Variants in NUFIP1 observed in about 807,000 individuals in gnomAD.
The protein encoded by NUFIP1 is FMR1-interacting protein NUFIP1.
Under a neutral mutation model 56.2 loss-of-function variants are expected in NUFIP1, and 38 were observed. That is an observed-to-expected ratio of 0.68 (90% CI 0.52 to 0.89). The LOEUF (loss-of-function observed/expected upper bound fraction) is 0.89, where lower values mean the gene tolerates loss of function less well. Among genes scored for constraint, NUFIP1 ranks in the 40% least tolerant of loss-of-function variants. The pLI is 0.00. For missense variants in NUFIP1, 567 were observed against 605.8 expected, an observed-to-expected ratio of 0.94 and a Z score of 0.67; for synonymous variants, 215 against 212.4, an observed-to-expected ratio of 1.01 and a Z score of -0.10.
At chr13:44,962,355 A>C (rs1027537103) in intron 6 of NUFIP1, among the ~76,000 whole-genome samples, 1 of 152,196 alleles carries the variant, frequency 6.6e-6, no homozygotes, top group African/African-American at 2.4e-5. Flanking sequence ...AAGTTAGGTG[A>C]TTGTTTCTCA....
At chr13:44,951,582 A>G (rs1871084955) in intron 7 of NUFIP1, among the ~76,000 whole-genome samples, 1 of 152,218 alleles carries the variant, frequency 6.6e-6, no homozygotes, top group Non-Finnish European at 1.5e-5. Flanking sequence ...TCTCCCAGCT[A>G]TAGCTCCATT....
chr13:44,985,950 C>T (rs1256763245), intron 1 of NUFIP1, among the ~76,000 whole-genome samples: 2 of 152,180 alleles, frequency 1.3e-5, no homozygotes, highest in Non-Finnish European at 2.9e-5. Flanking sequence ...TGCCAAACGG[C>T]TAGCCAAGTT....
At chr13:44,950,430 C>T (rs1028582269) in intron 7 of NUFIP1, among the ~76,000 whole-genome samples, 2 of 152,190 alleles carry the variant, frequency 1.3e-5, no homozygotes, top group African/African-American at 4.8e-5. Context: ...ACCACAACCT[C>T]TGCCTGCCAG....
At chr13:44,947,852 A>G (rs776850591) in intron 8 of NUFIP1, among the ~76,000 whole-genome samples, 32 of 152,214 alleles carry the variant, frequency 2.1e-4, no homozygotes, top group Non-Finnish European at 4.1e-4. Context: ...AGCACAAAAA[A>G]ATGCTATTTT....
At position 44,940,708 on chromosome 13, in the gene NUFIP1, G is replaced by A. The variant is rs1288647230; in HGVS notation, c.*498C>T. The A allele has an allele frequency of 2.6e-5, 4 of 152,196 alleles. No homozygotes were observed. Among genetic ancestry groups the A allele is most frequent in the African/African-American group, 9.7e-5 (4 of 41,426 alleles). 9.4% of individuals were successfully genotyped at this position (152,196 alleles called of 1,614,324 possible). A position where few individuals can be genotyped will look rare whatever the true frequency, so the allele number is the denominator to read the frequency against. The stretch of plus-strand genomic sequence containing the variant: ...TGAATTTAAACATGTCTTAAATAAG[G>A]AATATTTACATTTCGAAACCTTCTG... On this transcript the variant is annotated 3_prime_UTR_variant, in exon 10 of 10. Transcript: ENST00000379161.
chr13:44,980,560 T>C (rs774886421), intron 3 of NUFIP1, among the ~76,000 whole-genome samples, 162 bp downstream of exon 3: 4 of 152,194 alleles, frequency 2.6e-5, no homozygotes, highest in Non-Finnish European at 5.9e-5. Flanking sequence ...GGATCCCCAC[T>C]TTCAAACCCC....
At chr13:44,949,111 G>GA (rs1483754714) in intron 8 of NUFIP1, among the ~76,000 whole-genome samples, 2 of 151,580 alleles carry the variant, frequency 1.3e-5, no homozygotes, top group Admixed American at 6.6e-5. Context: ...AGAAAAAAAT[G>GA]AATTTTCTTT....
chr13:44,965,409 A>C (rs1032394617), intron 6 of NUFIP1, among the ~76,000 whole-genome samples: 3 of 152,244 alleles, frequency 2.0e-5, no homozygotes, highest in Non-Finnish European at 4.4e-5. Context: ...GTATCCAATC[A>C]AAAATTACCA....
chr13:44,962,554 AT>A (rs1470541042), intron 6 of NUFIP1, among the ~76,000 whole-genome samples: 4 of 152,264 alleles, frequency 2.6e-5, no homozygotes, highest in Admixed American at 1.3e-4. Flanking sequence ...GTCCTATAAG[AT>A]TATAGCAGAG....
intron 8 of NUFIP1, among the ~76,000 whole-genome samples, chr13:44,945,053 A>T (rs1473991193): frequency 6.6e-6 from 1 of 151,968 alleles, no homozygotes; most frequent in Non-Finnish European, 1.5e-5. Flanking sequence ...TAGAGTGAAA[A>T]TCAATGACAA....
intron 7 of NUFIP1, among the ~76,000 whole-genome samples, chr13:44,951,872 T>C (rs1871094393): frequency 6.6e-6 from 1 of 152,164 alleles, no homozygotes; most frequent in Admixed American, 6.5e-5. Flanking sequence ...CTTCAGGGGA[T>C]TGTGATATTT....
At chr13:44,961,554 G>C (rs912178627) in intron 6 of NUFIP1, among the ~76,000 whole-genome samples, 1 of 152,042 alleles carries the variant, frequency 6.6e-6, no homozygotes, top group African/African-American at 2.4e-5. Flanking sequence ...AATCCCTTTA[G>C]GGTCATAATA....
intron 7 of NUFIP1, among the ~76,000 whole-genome samples, chr13:44,956,339 A>C (rs889211358): frequency 2.6e-5 from 4 of 152,104 alleles, no homozygotes; most frequent in Admixed American, 2.6e-4. Flanking sequence ...CTATGGCCTA[A>C]AACAACGGTC....
intron 8 of NUFIP1, among the ~76,000 whole-genome samples, chr13:44,945,801 T>A (rs1467684168): frequency 6.6e-6 from 1 of 152,094 alleles, no homozygotes; most frequent in African/African-American, 2.4e-5. Flanking sequence ...TTACTTACTA[T>A]GAATCAGTGT....
chr13:44,949,886 G>A (rs1460132410), intron 7 of NUFIP1, 48 bp from the exon 8 acceptor site: 22 of 1,184,742 alleles, frequency 1.9e-5, no homozygotes, highest in Non-Finnish European at 2.8e-5. Context: ...CCATAAAAAA[G>A]CTGTCCATCC....
intron 5 of NUFIP1, among the ~76,000 whole-genome samples, chr13:44,977,694 T>C (rs1017087622): frequency 6.6e-6 from 1 of 152,232 alleles, no homozygotes; most frequent in African/African-American, 2.4e-5. Flanking sequence ...ACAGATGCTC[T>C]TGAAATGCTA....
At chr13:44,974,069 C>T (rs1475590576) in intron 5 of NUFIP1, among the ~76,000 whole-genome samples, 1 of 152,196 alleles carries the variant, frequency 6.6e-6, no homozygotes, top group African/African-American at 2.4e-5. Context: ...ACTACACAGT[C>T]ATCTACATAA....
At chr13:44,951,162 A>G (rs1279551316) in intron 7 of NUFIP1, among the ~76,000 whole-genome samples, 2 of 152,240 alleles carry the variant, frequency 1.3e-5, no homozygotes, top group African/African-American at 4.8e-5. Flanking sequence ...GGAAAGTATG[A>G]AGTTTATGTG....
intron 7 of NUFIP1, among the ~76,000 whole-genome samples, chr13:44,956,544 A>G (rs1871249597): frequency 6.6e-6 from 1 of 152,182 alleles, no homozygotes. Context: ...AGGAGCCCTG[A>G]GCTGTTTTCC....
Sources: gnomAD v4.1 joint callset for allele counts (sites outside exome capture counted in the v4.1 genomes callset) on GRCh38, gnomAD v4.1.1 for gene constraint, MANE v1.5 for transcripts, NCBI Gene and HGNC (gene_info 2026-07-23, HGNC 2026-07-21) for gene names.